DEPTOR: variants seen among roughly 807,000 people sequenced by gnomAD.
The protein encoded by DEPTOR is DEP domain-containing mTOR-interacting protein.
In DEPTOR, 41 loss-of-function variants were observed where a neutral mutation model predicts 41.6. That is an observed-to-expected ratio of 0.98 (90% CI 0.77 to 1.28). DEPTOR has a LOEUF of 1.28. Ranked by LOEUF, DEPTOR falls within the 50% of genes most tolerant of loss-of-function variation. The pLI is 0.00. For missense variants in DEPTOR, 514 were observed against 527.9 expected, an observed-to-expected ratio of 0.97 and a Z score of 0.26; for synonymous variants, 195 against 192.3, an observed-to-expected ratio of 1.01 and a Z score of -0.12.
At chr8:120,013,733 T>C (rs570201786) in intron 8 of DEPTOR, among the ~76,000 whole-genome samples, 1 of 152,334 alleles carries the variant, frequency 6.6e-6, no homozygotes, top group Non-Finnish European at 1.5e-5. Flanking sequence ...GCTCTCCCTT[T>C]AGTCAGGGTT....
At chr8:119,887,082 G>A (rs1827373498) in intron 1 of DEPTOR, among the ~76,000 whole-genome samples, 1 of 139,942 alleles carries the variant, frequency 7.1e-6, no homozygotes, top group South Asian at 2.3e-4. Flanking sequence ...AAATGGTTAT[G>A]TGTTTTTACC....
intron 8 of DEPTOR, among the ~76,000 whole-genome samples, chr8:120,040,375 G>T (rs1813048896): frequency 6.6e-6 from 1 of 151,608 alleles, no homozygotes; most frequent in Non-Finnish European, 1.5e-5. Context: ...GGGAGATCAA[G>T]ACCATCCTGG....
At chr8:120,013,538 A>G (rs1179299789) in intron 8 of DEPTOR, among the ~76,000 whole-genome samples, 1 of 152,180 alleles carries the variant, frequency 6.6e-6, no homozygotes, top group African/African-American at 2.4e-5. Flanking sequence ...GTAGTCGTCA[A>G]GAGGGTCCTG....
chr8:119,881,416 C>G (rs541388993), intron 1 of DEPTOR, among the ~76,000 whole-genome samples: 264 of 151,948 alleles, frequency 1.7e-3, no homozygotes, highest in Admixed American at 4.0e-3. Context: ...CCCAGCTACT[C>G]TGGAGGCTGA....
At chr8:120,019,817 G>A (rs1812671058) in intron 8 of DEPTOR, among the ~76,000 whole-genome samples, 1 of 152,118 alleles carries the variant, frequency 6.6e-6, no homozygotes, top group Non-Finnish European at 1.5e-5. Flanking sequence ...CTGAGGTTCA[G>A]CTTTCCCAGA....
intron 1 of DEPTOR, among the ~76,000 whole-genome samples, chr8:119,883,464 G>C (rs1340603334): frequency 8.7e-6 from 1 of 114,486 alleles, no homozygotes; most frequent in Non-Finnish European, 1.7e-5. Context: ...GACAGAGCGA[G>C]ACTCGTCTTA....
intron 1 of DEPTOR, among the ~76,000 whole-genome samples, chr8:119,918,587 A>G (rs1827846308): frequency 6.6e-6 from 1 of 152,006 alleles, no homozygotes; most frequent in Non-Finnish European, 1.5e-5. Flanking sequence ...CAGCCTCCCG[A>G]GTAGCTGGGA....
chr8:120,001,220 C>A (rs1380233543), intron 4 of DEPTOR, among the ~76,000 whole-genome samples: 2 of 152,060 alleles, frequency 1.3e-5, no homozygotes, highest in Admixed American at 1.3e-4. Flanking sequence ...AGTGAGGGTG[C>A]AGTGTTATCA....
chr8:119,945,606 T>TA (rs778648451), intron 3 of DEPTOR, among the ~76,000 whole-genome samples: 3 of 152,138 alleles, frequency 2.0e-5, no homozygotes, highest in Admixed American at 6.5e-5. Flanking sequence ...GCATTAAAAA[T>TA]AAAAAAGTTA....
At chr8:119,898,788 A>G (rs915529717) in intron 1 of DEPTOR, among the ~76,000 whole-genome samples, 5 of 152,004 alleles carry the variant, frequency 3.3e-5, no homozygotes, top group Admixed American at 1.3e-4. Context: ...GATAGTTTTG[A>G]TCAAGGGTAA....
intron 3 of DEPTOR, 60 bp downstream of exon 3, chr8:119,929,998 C>T (rs751833262): frequency 6.0e-5 from 93 of 1,550,066 alleles, no homozygotes; most frequent in Non-Finnish European, 6.6e-5. Flanking sequence ...CAGAACTGTG[C>T]CAGTCTCATT....
chr8:120,015,822 C>T (rs7818635), intron 8 of DEPTOR, among the ~76,000 whole-genome samples: 17,790 of 152,090 alleles, frequency 0.12, 1,397 homozygotes, highest in African/African-American at 0.21. Context: ...ATTGGTTTGA[C>T]GAGGCATGTC....
rs146661624 is a variant in DEPTOR at position 119,907,827 on chromosome 8, G to A, written c.123-20573G>A. ...AAATAAGAATCCATGAATCAATGGA[G>A]GGCAATTGAGTTACTGTGATATAAT... On this transcript the variant is annotated intron_variant, in intron 1 of 8. Coordinates refer to ENST00000286234, the MANE Select transcript of DEPTOR (RefSeq NM_022783.4). Among the ~76,000 whole-genome samples the A allele has an allele frequency of 4.7e-3, 718 of 152,178 alleles. 5 individuals are homozygous for A. Among genetic ancestry groups the A allele is most frequent in the African/African-American group, 0.016 (643 of 41,464 alleles).
chr8:119,948,197 A>G (rs1181722595), intron 3 of DEPTOR, among the ~76,000 whole-genome samples: 59 of 152,166 alleles, frequency 3.9e-4, no homozygotes, highest in Non-Finnish European at 5.9e-5. Context: ...GCAACTTAAG[A>G]GTAAGGGCCA....
intron 1 of DEPTOR, among the ~76,000 whole-genome samples, chr8:119,884,307 C>T (rs889196909): frequency 6.6e-6 from 1 of 152,210 alleles, no homozygotes; most frequent in African/African-American, 2.4e-5. Flanking sequence ...ATCTGCCCAC[C>T]TCGGCCTCCC....
chr8:119,890,593 G>A (rs1281690373), intron 1 of DEPTOR, among the ~76,000 whole-genome samples: 4 of 152,120 alleles, frequency 2.6e-5, no homozygotes, highest in Admixed American at 6.6e-5. Context: ...ATGAGCCACC[G>A]TGCCTGGCCT....
At chr8:119,897,652 T>C (rs1827538356) in intron 1 of DEPTOR, among the ~76,000 whole-genome samples, 1 of 152,234 alleles carries the variant, frequency 6.6e-6, no homozygotes, top group African/African-American at 2.4e-5. Context: ...TTTGTAGGAA[T>C]AGATGAGGCA....
At chr8:120,047,462 G>A (rs770626201) in intron 8 of DEPTOR, among the ~76,000 whole-genome samples, 9 of 151,986 alleles carry the variant, frequency 5.9e-5, no homozygotes, top group Non-Finnish European at 1.0e-4. Context: ...CCACCTCCCG[G>A]GTTCAAGTGA....
chr8:119,876,194 T>A (rs561718300), intron 1 of DEPTOR, among the ~76,000 whole-genome samples: 22 of 152,316 alleles, frequency 1.4e-4, no homozygotes, highest in Admixed American at 1.4e-3. Context: ...TTCTAGCGCC[T>A]CTCTGCACTG....
Sources: gnomAD v4.1 joint callset for allele counts (sites outside exome capture counted in the v4.1 genomes callset) on GRCh38, gnomAD v4.1.1 for gene constraint, MANE v1.5 for transcripts, NCBI Gene and HGNC (gene_info 2026-07-23, HGNC 2026-07-21) for gene names.